Variants in IDO1 observed in about 807,000 individuals in gnomAD.
The protein encoded by IDO1 is indolamine 2,3 dioxygenase.
IDO1 carries 35 observed loss-of-function variants against 38.8 expected under a neutral mutation model. The ratio of observed to expected loss-of-function variants is 0.90; its 90% CI spans 0.69 to 1.20. IDO1 has a LOEUF of 1.20. IDO1 is among the 50% of genes most tolerant of loss of function. The pLI is 0.00. For missense variants in IDO1, 509 were observed against 485.1 expected (o/e 1.05, Z -0.46); for synonymous variants, 171 against 170.0 (o/e 1.01, Z -0.05).
At chr8:39,917,994 T>C in intron 2 of IDO1, 24 bp downstream of exon 2, 1 of 1,611,116 alleles carries the variant, frequency 6.2e-7, no homozygotes, top group Non-Finnish European at 8.5e-7. Context: ...ATTACATTTG[T>C]CTTCTTGTAT....
intron 8 of IDO1, 108 bp from the exon 9 acceptor site, chr8:39,925,115 T>G: frequency 9.7e-7 from 1 of 1,029,110 alleles, no homozygotes; most frequent in Non-Finnish European, 1.4e-6. Flanking sequence ...GATCATGAAA[T>G]CCATCTCTTG....
At position 39,928,524 on chromosome 8, in the gene IDO1, G is replaced by C. The variant is rs1338318095; in HGVS notation, c.*339G>C. On this transcript the variant is annotated 3_prime_UTR_variant, in exon 10 of 10. Transcript: ENST00000518237. ...CGAGGCGGGCGGATCACAAGGTCAG[G>C]AGATCGAGACCATCTTGGCTAACAC... The C allele has an allele frequency of 5.8e-6, 1 of 173,740 alleles. No individual in the cohort carries two copies. Among genetic ancestry groups the C allele is most frequent in the African/African-American group, 2.4e-5 (1 of 41,876 alleles). The allele number at this position is 173,740 out of a possible 1,614,324, so 10.8% of individuals were successfully genotyped here. A position where few individuals can be genotyped will look rare whatever the true frequency, so the allele number is the denominator to read the frequency against.
intron 1 of IDO1, chr8:39,914,232 G>A: frequency 2.4e-6 from 1 of 409,144 alleles, no homozygotes; most frequent in Non-Finnish European, 4.4e-6. Flanking sequence ...TACCTAACAT[G>A]GATACGGAGA....
chr8:39,920,175 T>C (rs1056602253), intron 5 of IDO1, 61 bp downstream of exon 5: 1 of 1,331,604 alleles, frequency 7.5e-7, no homozygotes, highest in African/African-American at 1.5e-5. Flanking sequence ...TGAATGTAGG[T>C]TTATCAATAG....
At position 39,928,176 on chromosome 8, in the gene IDO1, G is replaced by A; in HGVS notation, c.1203G>A (p.Lys401=). Residue 401 remains lysine, a synonymous_variant, in exon 10 of 10, where the codon AAG becomes AAA. Transcript: ENST00000518237. ...VRSTTEKSLL[K]EG The stretch of plus-strand genomic sequence containing the variant: ...GTACAACTGAGAAATCCCTTTTGAA[G>A]GAAGGTTAATGTAACCCAACAAGAG... The A allele has an allele frequency of 6.2e-7, 1 of 1,607,808 alleles. No individual in the cohort carries two copies. Among genetic ancestry groups the A allele is most frequent in the Non-Finnish European group, 8.5e-7 (1 of 1,176,672 alleles).
chr8:39,922,396 G>A (rs1807287446), intron 5 of IDO1, among the ~76,000 whole-genome samples, 156 bp from the exon 6 acceptor site: 1 of 152,152 alleles, frequency 6.6e-6, no homozygotes, highest in Non-Finnish European at 1.5e-5. Context: ...CCTAAAAAAG[G>A]AGTCTTAATA....
In IDO1 at chr8:39,925,243, T is replaced by A. The variant is rs1287325874; in HGVS notation, c.728T>A (p.Leu243Gln). 1 of 1,601,124 alleles carries A rather than the reference T, an allele frequency of 6.2e-7. No individual in the cohort carries two copies. The highest frequency in any genetic ancestry group is 1.1e-5 in the South Asian group (1 of 88,582). ...GATAGCTGGAAAGGCAACCCCCAGC[T>A]ATCAGACGGTCTGGTGTATGAAGGG... Reference protein sequence around the residue: ...YLSGWKGNPQLSDGLVYEGFW... With the variant: ...YLSGWKGNPQQSDGLVYEGFW... The change falls in exon 9 of 10, where the codon CTA (leucine) becomes CAA (glutamine). Residue 243 changes from leucine to glutamine, a missense_variant. Physicochemically the swap from Leu to Gln is moderately radical, Grantham distance 113 (BLOSUM62 -2). Transcript: ENST00000518237.
At chr8:39,916,616 A>C (rs541224094) in intron 1 of IDO1, among the ~76,000 whole-genome samples, 1 of 152,370 alleles carries the variant, frequency 6.6e-6, no homozygotes, top group South Asian at 2.1e-4. Flanking sequence ...TGAACCAAAA[A>C]ATGTCTGTTT....
chr8:39,922,726 A>T, intron 6 of IDO1, 75 bp downstream of exon 6: 2 of 912,242 alleles, frequency 2.2e-6, no homozygotes, highest in Non-Finnish European at 3.6e-6. Context: ...CCTAAACTAT[A>T]CTAAGCATGA....
intron 5 of IDO1, among the ~76,000 whole-genome samples, chr8:39,921,062 G>A (rs1309926608): frequency 2.6e-5 from 4 of 152,314 alleles, no homozygotes; most frequent in Middle Eastern, 3.4e-3. Context: ...AAAGGTAAGA[G>A]TATTCATAGC....
Position 39,927,952 on chromosome 8 carries a change from G to A in IDO1, c.979G>A (p.Gly327Ser). Residue 327 changes from glycine to serine, a missense_variant, in exon 10 of 10, where the codon GGC becomes AGC. By Grantham distance (56) the Gly-to-Ser change is moderately conservative (BLOSUM62 0). Coordinates refer to ENST00000518237, the MANE Select transcript of IDO1 (RefSeq NM_002164.6). ...GTTTGTCCTTTCAAAAGGTGATGCTGGCCTGCGGGAAGCTTATGACGCCTG... is the reference window on the plus strand; with the variant it reads ...GTTTGTCCTTTCAAAAGGTGATGCTAGCCTGCGGGAAGCTTATGACGCCTG... The part of the protein sequence containing the change: ...REFVLSKGDA[G>S]LREAYDACVK... The A allele has an allele frequency of 6.2e-7, 1 of 1,605,356 alleles. No individual in the cohort carries two copies. The highest frequency in any genetic ancestry group is 8.5e-7 in the Non-Finnish European group (1 of 1,175,768).
chr8:39,922,615 T>C lies in IDO1; in HGVS notation c.501T>C (p.Ser167=), dbSNP rs1206621491. Residue 167 remains serine (S), a synonymous_variant, in exon 6 of 10, where the codon TCT becomes TCC. Coordinates refer to ENST00000518237, the MANE Select transcript of IDO1 (RefSeq NM_002164.6). ...GCAGTAAAGGATTCTTCCTGGTCTC[T>C]CTATTGGTGGAAATAGCAGCTGCTT... ...GDCSKGFFLV[S]LLVEIAAASA... The C allele has an allele frequency of 6.2e-7, 1 of 1,613,514 alleles. No homozygotes were observed. Among genetic ancestry groups the C allele is most frequent in the African/African-American group, 1.3e-5 (1 of 75,062 alleles).
chr8:39,927,091 T>C (rs1807371863), intron 9 of IDO1, among the ~76,000 whole-genome samples: 1 of 152,198 alleles, frequency 6.6e-6, no homozygotes, highest in African/African-American at 2.4e-5. Flanking sequence ...ATTTTCTTTG[T>C]CCCATCTACC....
intron 8 of IDO1, 151 bp from the exon 9 acceptor site, chr8:39,925,072 A>C: frequency 1.4e-6 from 1 of 731,408 alleles, no homozygotes; most frequent in East Asian, 2.7e-5. Context: ...CTCATGCTTG[A>C]AAATGAGCAG....
At chr8:39,922,010 T>G (rs1441526484) in intron 5 of IDO1, among the ~76,000 whole-genome samples, 1 of 152,208 alleles carries the variant, frequency 6.6e-6, no homozygotes, top group Non-Finnish European at 1.5e-5. Flanking sequence ...TTTTGTTTAT[T>G]TGTTTTCTGA....
intron 9 of IDO1, among the ~76,000 whole-genome samples, chr8:39,926,305 C>T (rs927961827): frequency 1.2e-4 from 18 of 152,304 alleles, no homozygotes; most frequent in South Asian, 4.1e-4. Flanking sequence ...TGGTTGACTC[C>T]GGTGAAGCCA....
chr8:39,914,773 A>G lies in IDO1; in HGVS notation c.87+764A>G, dbSNP rs181361504. ...TGTATGTTATTTATTTATTATTATTATTATTATTTTGAGATGGAGTCTCGC... is the reference window on the plus strand; with the variant it reads ...TGTATGTTATTTATTTATTATTATTGTTATTATTTTGAGATGGAGTCTCGC... On this transcript the variant is annotated intron_variant, in intron 1 of 9. Coordinates refer to ENST00000518237, the MANE Select transcript of IDO1 (RefSeq NM_002164.6). Among the ~76,000 whole-genome samples, 71 of 152,000 alleles carry G rather than the reference A, an allele frequency of 4.7e-4. 1 individual carries two copies. In the East Asian group the frequency reaches 0.013, roughly 27 times the overall value.
chr8:39,916,670 T>C (rs1236403466), intron 1 of IDO1, among the ~76,000 whole-genome samples: 2 of 152,224 alleles, frequency 1.3e-5, no homozygotes, highest in Non-Finnish European at 2.9e-5. Context: ...AGGAAAATAA[T>C]ATGTTTTCTG....
rs1323630774 is a variant in IDO1, at chr8:39,924,906, C to T, written c.707+134C>T. 8 of 734,098 alleles carry T rather than the reference C, an allele frequency of 1.1e-5. No individual in the cohort carries two copies. In the East Asian group the frequency reaches 1.9e-4, roughly 17 times the overall value. 45.5% of individuals were successfully genotyped at this position (734,098 alleles called of 1,614,324 possible). ...CAAAAATTCACATGGTAGAAAAATA[C>T]TAGACTGTTCTGTTATCACTTGGCC... On this transcript the variant is annotated intron_variant, in intron 8 of 9. Transcript: ENST00000518237.
Sources: allele counts gnomAD v4.1 joint callset (sites outside exome capture counted in the v4.1 genomes callset), GRCh38; gene constraint gnomAD v4.1.1; transcripts MANE v1.5; gene names NCBI Gene and HGNC (gene_info 2026-07-23, HGNC 2026-07-21).